The following C16orf74 variants were observed in gnomAD, a reference collection of about 807,000 sequenced individuals.
The protein encoded by C16orf74 is calcimembrin.
In C16orf74, 10 loss-of-function variants were observed where a neutral mutation model predicts 6.5. The ratio of observed to expected loss-of-function variants is 1.54; its 90% CI spans 0.95 to 2.61. C16orf74 has a LOEUF of 2.61. Ranked by LOEUF, C16orf74 falls within the 30% of genes most tolerant of loss-of-function variation. The pLI, the probability that C16orf74 is intolerant of heterozygous loss-of-function variation, is 0.00. For synonymous variants in C16orf74, 60 were observed against 42.5 expected (o/e 1.41, Z -1.60); for missense variants, 141 against 105.9 (o/e 1.33, Z -1.45).
intron 2 of C16orf74, among the ~76,000 whole-genome samples, chr16:85,716,025 G>A (rs553830530): frequency 8.8e-5 from 13 of 147,294 alleles, no homozygotes; most frequent in Admixed American, 4.6e-4. Context: ...GGAGGCCCCC[G>A]ACAAAAGGAA....
chr16:85,725,964 C>T (rs1018644038), intron 2 of C16orf74, among the ~76,000 whole-genome samples: 1 of 152,192 alleles, frequency 6.6e-6, no homozygotes, highest in Non-Finnish European at 1.5e-5. Context: ...ACCTCAGCTC[C>T]TCCAGCTCAG....
In C16orf74 at chr16:85,718,458, C is replaced by G. The variant is rs775536201; in HGVS notation, c.29-8151G>C. Among the ~76,000 whole-genome samples the G allele has an allele frequency of 2.0e-5, 3 of 152,098 alleles. No homozygotes were observed. The East Asian group carries it at 5.8e-4, about 29-fold the overall frequency. ...CACGCCCTCTTCCCCAAGGCACCATCACACACACACAGGGCTCCAGCCTGT... is the reference window on the plus strand; with the variant it reads ...CACGCCCTCTTCCCCAAGGCACCATGACACACACACAGGGCTCCAGCCTGT... On this transcript the variant is annotated intron_variant, in intron 2 of 3. Transcript: ENST00000284245.
intron 2 of C16orf74, among the ~76,000 whole-genome samples, chr16:85,732,950 C>T (rs2054205624): frequency 6.6e-6 from 1 of 152,188 alleles, no homozygotes; most frequent in Non-Finnish European, 1.5e-5. Context: ...GCTGCCTGTG[C>T]TTTCACTCGT....
chr16:85,729,674 G>T (rs1046855685), intron 2 of C16orf74, among the ~76,000 whole-genome samples: 2 of 152,182 alleles, frequency 1.3e-5, no homozygotes, highest in African/African-American at 2.4e-5. Flanking sequence ...TGGATTTGGG[G>T]GCGGAGGGGC....
intron 2 of C16orf74, among the ~76,000 whole-genome samples, chr16:85,714,759 G>A (rs1026080173): frequency 6.6e-6 from 1 of 151,896 alleles, no homozygotes; most frequent in African/African-American, 2.4e-5. Flanking sequence ...AGTTTTGAGG[G>A]AAGAGGCCAC....
At chr16:85,717,961 C>T (rs971627376) in intron 2 of C16orf74, among the ~76,000 whole-genome samples, 12 of 152,218 alleles carry the variant, frequency 7.9e-5, no homozygotes, top group African/African-American at 2.7e-4. Flanking sequence ...GGTCAGGGCA[C>T]CATTCCCTGT....
intron 2 of C16orf74, among the ~76,000 whole-genome samples, chr16:85,714,664 C>T (rs374143734): frequency 1.3e-5 from 2 of 151,314 alleles, no homozygotes; most frequent in African/African-American, 4.8e-5. Flanking sequence ...GTGATCCACC[C>T]GCCTTGGCCT....
intron 1 of C16orf74, among the ~76,000 whole-genome samples, chr16:85,746,287 C>A (rs1474884374): frequency 2.0e-5 from 3 of 152,152 alleles, no homozygotes; most frequent in African/African-American, 7.2e-5. Flanking sequence ...GAGACAGAGG[C>A]TGCAGCTAGT....
intron 1 of C16orf74, among the ~76,000 whole-genome samples, chr16:85,736,954 G>A (rs936414388): frequency 1.3e-5 from 2 of 152,120 alleles, no homozygotes; most frequent in Non-Finnish European, 2.9e-5. Context: ...TGAGGCAGGA[G>A]AATCACTTGA....
intron 2 of C16orf74, among the ~76,000 whole-genome samples, chr16:85,720,767 G>A (rs2054074119): frequency 8.1e-6 from 1 of 123,148 alleles, no homozygotes; most frequent in African/African-American, 3.2e-5. Flanking sequence ...GAGAGATCCT[G>A]CCTCAAAAAA....
At chr16:85,719,783 C>A (rs901400730) in intron 2 of C16orf74, among the ~76,000 whole-genome samples, 9 of 151,192 alleles carry the variant, frequency 6.0e-5, no homozygotes, top group South Asian at 2.1e-4. Flanking sequence ...GAGGCAGGAA[C>A]AGAGGGGCCA....
chr16:85,733,219 C>A (rs576099260), intron 2 of C16orf74, among the ~76,000 whole-genome samples: 2 of 152,128 alleles, frequency 1.3e-5, no homozygotes, highest in Admixed American at 6.5e-5. Flanking sequence ...ATTATTCAGC[C>A]GTGAAAAGGA....
Position 85,713,864 on chromosome 16 carries a change from G to C in C16orf74, c.29-3557C>G, listed in dbSNP as rs563414418. Reference sequence around the variant, plus strand: ...TCCATGGCTCCACGAGGAGAGGACAGTGGGAGACTGTGCCTGGGACCCTCG... The same window carrying C: ...TCCATGGCTCCACGAGGAGAGGACACTGGGAGACTGTGCCTGGGACCCTCG... On this transcript the variant is annotated intron_variant, in intron 2 of 3. Transcript: ENST00000284245. Among the ~76,000 whole-genome samples, 6 of 152,342 alleles carry C rather than the reference G, an allele frequency of 3.9e-5. No individual in the cohort carries two copies. In the South Asian group the frequency reaches 1.2e-3, roughly 32 times the overall value.
intron 2 of C16orf74, among the ~76,000 whole-genome samples, chr16:85,720,042 C>T (rs1282996588): frequency 4.6e-5 from 7 of 150,772 alleles, no homozygotes; most frequent in South Asian, 4.2e-4. Flanking sequence ...GTTCCAGATG[C>T]GTTTAATCTT....
At chr16:85,738,168 C>T (rs1403780181) in intron 1 of C16orf74, among the ~76,000 whole-genome samples, 1 of 151,584 alleles carries the variant, frequency 6.6e-6, no homozygotes, top group Non-Finnish European at 1.5e-5. Flanking sequence ...TCACTTGAGC[C>T]CAGGAGGTTG....
chr16:85,726,061 G>A (rs930643370), intron 2 of C16orf74, among the ~76,000 whole-genome samples: 1 of 152,010 alleles, frequency 6.6e-6, no homozygotes, highest in African/African-American at 2.4e-5. Context: ...TGTTCCTTCT[G>A]CCTGGAACAC....
At chr16:85,738,828 T>G (rs955218671) in intron 1 of C16orf74, among the ~76,000 whole-genome samples, 4 of 152,128 alleles carry the variant, frequency 2.6e-5, no homozygotes, top group Non-Finnish European at 5.9e-5. Context: ...TTATGTGTAT[T>G]CATGGTTAGT....
intron 1 of C16orf74, among the ~76,000 whole-genome samples, chr16:85,739,094 CAATT>C (rs2054275644): frequency 1.3e-5 from 2 of 152,132 alleles, no homozygotes; most frequent in African/African-American, 4.8e-5. Flanking sequence ...CATCCCTCAT[CAATT>C]GTGCCCATGC....
chr16:85,710,135 C>A, intron 3 of C16orf74, 29 bp downstream of exon 3: 2 of 1,394,552 alleles, frequency 1.4e-6, no homozygotes, highest in Non-Finnish European at 1.9e-6. Context: ...ACAGCCGACC[C>A]GGCTTGGCGG....
Sources: allele counts gnomAD v4.1 joint callset (sites outside exome capture counted in the v4.1 genomes callset), GRCh38; gene constraint gnomAD v4.1.1; transcripts MANE v1.5; gene names NCBI Gene and HGNC (gene_info 2026-07-23, HGNC 2026-07-21).